Variants in LRMDA observed in about 807,000 individuals in gnomAD.
The protein encoded by LRMDA is leucine-rich melanocyte differentiation-associated protein.
In LRMDA, 18 loss-of-function variants were observed where a neutral mutation model predicts 29.8. That is an observed-to-expected ratio of 0.60 (90% confidence interval 0.42 to 0.90). The LOEUF (loss-of-function observed/expected upper bound fraction) is 0.90, where lower values mean the gene tolerates loss of function less well. Ranked by LOEUF, LRMDA falls within the 40% of genes least tolerant of loss-of-function variation. The pLI, the probability that LRMDA is intolerant of heterozygous loss-of-function variation, is 0.00. For missense variants in LRMDA, 273 were observed against 273.9 expected (o/e 1.00, Z 0.02); for synonymous variants, 125 against 109.4 (o/e 1.14, Z -0.89).
chr10:75,453,857 C>T (rs72807466), intron 2 of LRMDA, among the ~76,000 whole-genome samples: 2,833 of 152,256 alleles, frequency 0.019, 34 homozygotes, highest in Non-Finnish European at 0.027. Flanking sequence ...ATGGCTGACA[C>T]CTGTGTAACA....
chr10:75,696,236 C>T (rs1363351352), intron 2 of LRMDA, among the ~76,000 whole-genome samples: 9 of 152,216 alleles, frequency 5.9e-5, no homozygotes, highest in Non-Finnish European at 1.2e-4. Flanking sequence ...GTATTTCTTG[C>T]TTATGCTTTG....
chr10:75,486,250 A>C (rs1286847530), intron 2 of LRMDA, among the ~76,000 whole-genome samples: 1 of 152,156 alleles, frequency 6.6e-6, no homozygotes, highest in East Asian at 1.9e-4. Context: ...TACTTAGTAG[A>C]TGGTCAAGTT....
At chr10:75,847,726 C>T (rs1474554621) in intron 2 of LRMDA, among the ~76,000 whole-genome samples, 1 of 152,094 alleles carries the variant, frequency 6.6e-6, no homozygotes, top group African/African-American at 2.4e-5. Context: ...AAATGGCTAA[C>T]AAGCACATGA....
intron 2 of LRMDA, among the ~76,000 whole-genome samples, chr10:75,640,825 A>AT (rs984255652): frequency 1.3e-5 from 2 of 152,146 alleles, no homozygotes; most frequent in Admixed American, 6.5e-5. Flanking sequence ...GATATTTTAT[A>AT]TTTTTTTCCC....
intron 2 of LRMDA, among the ~76,000 whole-genome samples, chr10:75,856,185 TCCTA>T (rs1844822920): frequency 6.6e-6 from 1 of 152,200 alleles, no homozygotes. Context: ...TATTGATTCT[TCCTA>T]CCCATGAGCA....
rs376510030 is a variant in LRMDA at position 76,294,967 on chromosome 10, GA to G, written c.517-29430del. On this transcript the variant is annotated intron_variant, in intron 5 of 6. Transcript: ENST00000611255. ...TTCAGGTCAGAGGTTCATGTTTTAG[GA>G]AAACCAGAAAAACTAATGGGGATCT... Among the ~76,000 whole-genome samples, 35 of 152,226 alleles carry G rather than the reference GA, an allele frequency of 2.3e-4. No homozygotes were observed. The East Asian group carries it at 6.2e-3, about 27-fold the overall frequency.
At chr10:76,305,981 C>G (rs1840550656) in intron 5 of LRMDA, among the ~76,000 whole-genome samples, 1 of 152,186 alleles carries the variant, frequency 6.6e-6, no homozygotes, top group Non-Finnish European at 1.5e-5. Flanking sequence ...TGGCTCCAAT[C>G]TACTATATTA....
intron 6 of LRMDA, among the ~76,000 whole-genome samples, chr10:76,364,365 T>C (rs1841363724): frequency 6.6e-6 from 1 of 152,198 alleles, no homozygotes; most frequent in African/African-American, 2.4e-5. Context: ...ACCATTTTAC[T>C]TGACATAAAT....
At chr10:75,875,260 A>C (rs1222290442) in intron 2 of LRMDA, among the ~76,000 whole-genome samples, 1 of 152,230 alleles carries the variant, frequency 6.6e-6, no homozygotes, top group Admixed American at 6.5e-5. Flanking sequence ...TTCAAGGTAT[A>C]GACTATACAG....
chr10:76,012,813 G>A (rs963779265), intron 2 of LRMDA, among the ~76,000 whole-genome samples: 9 of 152,124 alleles, frequency 5.9e-5, no homozygotes, highest in East Asian at 1.9e-4. Context: ...AAGCTGAGGC[G>A]CTTCTTTCGG....
At chr10:75,442,630 G>T (rs994692828) in intron 2 of LRMDA, among the ~76,000 whole-genome samples, 4 of 152,198 alleles carry the variant, frequency 2.6e-5, no homozygotes, top group African/African-American at 4.8e-5. Flanking sequence ...TTTTATGTCG[G>T]TATGTATTGT....
intron 2 of LRMDA, among the ~76,000 whole-genome samples, chr10:75,544,586 G>A (rs1371948521): frequency 6.6e-6 from 1 of 152,150 alleles, no homozygotes; most frequent in Admixed American, 6.5e-5. Context: ...CTGTCAAAGA[G>A]TTGGCCCTCC....
chr10:75,736,964 C>T (rs142826934), intron 2 of LRMDA, among the ~76,000 whole-genome samples: 20 of 152,274 alleles, frequency 1.3e-4, no homozygotes, highest in Non-Finnish European at 2.5e-4. Context: ...GGGAACACGG[C>T]TGATTTGGAG....
intron 2 of LRMDA, among the ~76,000 whole-genome samples, chr10:75,623,351 A>G (rs75580863): frequency 0.017 from 2,660 of 152,252 alleles, 83 homozygotes; most frequent in African/African-American, 0.061. Flanking sequence ...AGAAGAATGG[A>G]TGGGCTACTG....
chr10:75,923,456 G>A (rs1013037936), intron 2 of LRMDA, among the ~76,000 whole-genome samples: 1 of 152,138 alleles, frequency 6.6e-6, no homozygotes, highest in Non-Finnish European at 1.5e-5. Context: ...AAAACAGCCG[G>A]GAGAGGAACT....
chr10:76,092,765 A>G (rs1227092146), intron 5 of LRMDA, among the ~76,000 whole-genome samples: 2 of 152,244 alleles, frequency 1.3e-5, no homozygotes, highest in Non-Finnish European at 2.9e-5. Context: ...GCAGTGCCTA[A>G]TATGTACAAT....
rs115109086 is a variant in LRMDA, at chr10:76,235,508, G to A, written c.517-88893G>A. Among the ~76,000 whole-genome samples the A allele has an allele frequency of 2.8e-3, 429 of 152,246 alleles. 3 individuals are homozygous for A. The highest frequency in any genetic ancestry group is 0.017 in the Middle Eastern group (5 of 294). ...GAAAAAATAGTATCTGTGAAGTGCA[G>A]TGGAATGAGGTATACCTGCAGAGGA... On this transcript the variant is annotated intron_variant, in intron 5 of 6. Transcript: ENST00000611255.
At chr10:75,873,158 C>T (rs1466433516) in intron 2 of LRMDA, among the ~76,000 whole-genome samples, 1 of 152,058 alleles carries the variant, frequency 6.6e-6, no homozygotes, top group African/African-American at 2.4e-5. Flanking sequence ...TCAACATGAT[C>T]TACTGTGTTT....
chr10:75,487,741 A>G (rs1349747512), intron 2 of LRMDA, among the ~76,000 whole-genome samples: 1 of 152,226 alleles, frequency 6.6e-6, no homozygotes, highest in African/African-American at 2.4e-5. Context: ...AAGCACTCTC[A>G]GTGTCCAAGT....
Sources: allele counts gnomAD v4.1 joint callset (sites outside exome capture counted in the v4.1 genomes callset), GRCh38; gene constraint gnomAD v4.1.1; transcripts MANE v1.5; gene names NCBI Gene and HGNC (gene_info 2026-07-23, HGNC 2026-07-21).